Variants in PHLPP1 observed in about 807,000 individuals in gnomAD.
The protein encoded by PHLPP1 is PH domain and leucine rich repeat protein phosphatase 1.
In PHLPP1, 42 loss-of-function variants were observed where a neutral mutation model predicts 117.2. That is an observed-to-expected ratio of 0.36 (90% CI 0.28 to 0.46). PHLPP1 has a LOEUF of 0.46. Among genes scored for constraint, PHLPP1 ranks in the 20% least tolerant of loss-of-function variants. The probability of loss-of-function intolerance (pLI) is 1.00; values close to 1 mark genes in which losing one functional copy is unlikely to be tolerated. For synonymous variants in PHLPP1, 1,042 were observed against 970.7 expected (o/e 1.07, Z -1.37); for missense variants, 2,084 against 2,241.9 (o/e 0.93, Z 1.42).
chr18:62,727,263 C>T (rs1911101142), intron 1 of PHLPP1, among the ~76,000 whole-genome samples: 1 of 145,492 alleles, frequency 6.9e-6, no homozygotes, highest in Admixed American at 6.8e-5. Flanking sequence ...GGAAAAATAA[C>T]AAATTGTTCG....
chr18:62,942,512 T>C (rs554829255), intron 11 of PHLPP1, among the ~76,000 whole-genome samples: 68 of 152,348 alleles, frequency 4.5e-4, no homozygotes, highest in African/African-American at 1.5e-3. Flanking sequence ...TCTACTACCA[T>C]AGAAACTGTA....
At chr18:62,863,236 T>A (rs534383126) in intron 4 of PHLPP1, among the ~76,000 whole-genome samples, 113 of 152,134 alleles carry the variant, frequency 7.4e-4, no homozygotes, top group African/African-American at 2.6e-3. Flanking sequence ...TTTTAGACAC[T>A]GTTTTGCTGT....
chr18:62,937,186 T>C lies in PHLPP1; in HGVS notation c.2961-4532T>C, dbSNP rs1046687764. ...TAAAAAGCAAACAAAACAAAAAATA[T>C]ATAGATGAGTCAAATGGACAGAATA... is the stretch of plus-strand genomic sequence containing the variant. On this transcript the variant is annotated intron_variant, in intron 10 of 16. Transcript: ENST00000262719. Among the ~76,000 whole-genome samples the C allele has an allele frequency of 2.0e-5, 3 of 152,148 alleles. No homozygotes were observed. In the South Asian group the frequency reaches 6.2e-4, roughly 32 times the overall value.
rs1351827964 is a variant in PHLPP1, at chr18:62,715,853, C to T, written c.170C>T (p.Pro57Leu). The T allele has an allele frequency of 1.2e-5, 9 of 780,730 alleles. No individual in the cohort carries two copies. Among genetic ancestry groups the T allele is most frequent in the South Asian group, 5.6e-5 (1 of 18,012 alleles). The allele number at this position is 780,730 out of a possible 1,614,324, so 48.4% of individuals were successfully genotyped here. A position where few individuals can be genotyped will look rare whatever the true frequency, so the allele number is the denominator to read the frequency against. The change falls in exon 1 of 17, where the codon CCG becomes CTG. Residue 57 changes from proline to leucine, a missense_variant. Pro to Leu is a moderately conservative substitution (Grantham distance 98). Around this residue, in one of 2 missense-constraint regions of PHLPP1, gnomAD observed 719 missense variants for 636.0 expected, o/e 1.13. Coordinates refer to ENST00000262719, the MANE Select transcript of PHLPP1 (RefSeq NM_194449.4). ...CGGAGTCCGGAGCCCGCGCTGACCCCGGCGGCCCCGAGCGGCGGGAACGGC... is the reference window on the plus strand; with the variant it reads ...CGGAGTCCGGAGCCCGCGCTGACCCTGGCGGCCCCGAGCGGCGGGAACGGC... Reference protein sequence around the residue: ...GGRSPEPALTPAAPSGGNGSG... With the variant: ...GGRSPEPALTLAAPSGGNGSG...
intron 10 of PHLPP1, among the ~76,000 whole-genome samples, chr18:62,936,209 C>T (rs1909962655): frequency 6.6e-6 from 1 of 152,086 alleles, no homozygotes; most frequent in African/African-American, 2.4e-5. Flanking sequence ...CCAGTGGCCA[C>T]ATTTGGGACA....
At chr18:62,954,756 T>G (rs1910564843) in intron 12 of PHLPP1, among the ~76,000 whole-genome samples, 1 of 152,234 alleles carries the variant, frequency 6.6e-6, no homozygotes, top group South Asian at 2.1e-4. Context: ...AAAATTGCAT[T>G]AAAATGCTAT....
intron 4 of PHLPP1, among the ~76,000 whole-genome samples, chr18:62,893,643 G>A (rs377440042): frequency 6.0e-4 from 91 of 152,268 alleles, no homozygotes; most frequent in African/African-American, 2.1e-3. Flanking sequence ...TAGAGTGTGT[G>A]TGTCTCTTCT....
intron 10 of PHLPP1, among the ~76,000 whole-genome samples, chr18:62,936,933 G>A (rs1046718391): frequency 2.0e-5 from 3 of 152,150 alleles, no homozygotes; most frequent in African/African-American, 4.8e-5. Context: ...GGAATGCTTC[G>A]GAGACAGAAA....
intron 4 of PHLPP1, among the ~76,000 whole-genome samples, chr18:62,863,766 G>A (rs1359752848): frequency 4.6e-5 from 7 of 151,976 alleles, no homozygotes; most frequent in Non-Finnish European, 8.8e-5. Context: ...TTTGGTTTTG[G>A]TGGCTTTTGG....
At chr18:62,824,793 T>A (rs1914564767) in intron 1 of PHLPP1, among the ~76,000 whole-genome samples, 2 of 152,114 alleles carry the variant, frequency 1.3e-5, no homozygotes, top group African/African-American at 4.8e-5. Context: ...AAATAAATGT[T>A]TAAACCATTC....
intron 4 of PHLPP1, among the ~76,000 whole-genome samples, chr18:62,892,070 CTTTCTTTCTTTCTTTTTTTTTTTT>C (rs1568152004): frequency 4.9e-5 from 6 of 122,386 alleles, no homozygotes; most frequent in African/African-American, 1.9e-4. Context: ...TCTTTCTTTT[CTTTCTTTCTTTCTTTTTTTTTTTT>C]TTTTTTTTTT....
chr18:62,978,176 G>T lies in PHLPP1; in HGVS notation c.3985-86G>T. On this transcript the variant is annotated intron_variant, in intron 16 of 16. Coordinates refer to ENST00000262719, the MANE Select transcript of PHLPP1 (RefSeq NM_194449.4). This position sits in a 1 kb window ranked among gnomAD's most constrained non-coding sequence, Gnocchi z 7.0. ...CACTTCTCTGTGGTCCTACAGTCGA[G>T]ACAGTCGAGGGACCCGCAGGGAACC... The T allele has an allele frequency of 1.4e-6, 1 of 725,918 alleles. No homozygotes were observed. 45.0% of individuals were successfully genotyped at this position (725,918 alleles called of 1,614,324 possible). A position where few individuals can be genotyped will look rare whatever the true frequency, so the allele number is the denominator to read the frequency against.
At chr18:62,741,281 A>G (rs140699910) in intron 1 of PHLPP1, among the ~76,000 whole-genome samples, 2 of 152,300 alleles carry the variant, frequency 1.3e-5, no homozygotes, top group South Asian at 2.1e-4. Flanking sequence ...TTGGGCTAGC[A>G]GTTGTTGGCA....
intron 1 of PHLPP1, among the ~76,000 whole-genome samples, chr18:62,739,523 A>G (rs73465057): frequency 0.063 from 9,547 of 152,172 alleles, 1,008 homozygotes; most frequent in African/African-American, 0.22. Flanking sequence ...GTGCTTTATT[A>G]GATGTAAGTT....
chr18:62,832,246 T>A (rs1914778954), intron 2 of PHLPP1: 1 of 152,210 alleles, frequency 6.6e-6, no homozygotes, highest in South Asian at 2.1e-4. Flanking sequence ...GAAGATGAAG[T>A]AGGCACAATG....
At chr18:62,859,098 TA>T (rs1915568062) in intron 3 of PHLPP1, among the ~76,000 whole-genome samples, 1 of 152,054 alleles carries the variant, frequency 6.6e-6, no homozygotes, top group Admixed American at 6.6e-5. Context: ...TGGGGTTTGG[TA>T]AAAGAAAAAG....
intron 2 of PHLPP1, chr18:62,838,055 T>C (rs932973873): frequency 4.0e-5 from 6 of 150,816 alleles, no homozygotes; most frequent in Admixed American, 4.0e-4. Flanking sequence ...ACGAGTTCAA[T>C]TGAAAAAAAT....
chr18:62,773,704 G>A (rs1337081746), intron 1 of PHLPP1, among the ~76,000 whole-genome samples: 2 of 152,196 alleles, frequency 1.3e-5, no homozygotes, highest in East Asian at 3.8e-4. Context: ...CATTGCTGAT[G>A]TTGCTGTGAA....
In PHLPP1 at chr18:62,715,781, C is replaced by T; in HGVS notation, c.98C>T (p.Ala33Val). Residue 33 changes from alanine (A) to valine (V), a missense_variant, in exon 1 of 17, where the codon GCA (alanine) becomes GTA (valine). By Grantham distance (64) the Ala-to-Val change is moderately conservative. Coordinates refer to ENST00000262719, the MANE Select transcript of PHLPP1 (RefSeq NM_194449.4). ...APAAAAAAAAAAAAAAAALAA... is the reference protein window; with the variant it reads ...APAAAAAAAAVAAAAAAALAA... ...GCGGCCGCCGCTGCGGCAGCAGCAG[C>T]AGCAGCGGCGGCCGCGGCGGCTCTG... 1.2e-6 allele frequency: 1 copy of T among 838,158 alleles called. No homozygotes were observed. The highest frequency in any genetic ancestry group is 1.5e-6 in the Non-Finnish European group (1 of 681,108). 51.9% of individuals were successfully genotyped at this position (838,158 alleles called of 1,614,324 possible). A position where few individuals can be genotyped will look rare whatever the true frequency, so the allele number is the denominator to read the frequency against.
Sources: allele counts gnomAD v4.1 joint callset (sites outside exome capture counted in the v4.1 genomes callset), GRCh38; gene constraint gnomAD v4.1.1; regional missense constraint gnomAD v4.1.1; non-coding constraint Gnocchi (gnomAD v3.1); transcripts MANE v1.5; gene names NCBI Gene and HGNC (gene_info 2026-07-23, HGNC 2026-07-21).